The following SERINC5 variants were observed in gnomAD, a reference collection of about 807,000 sequenced individuals.
The protein encoded by SERINC5 is serine incorporator 5, also known as chromosome 5 open reading frame 12.
SERINC5 carries 41 observed loss-of-function variants against 63.1 expected under a neutral mutation model. That is an observed-to-expected ratio of 0.65 (90% CI 0.51 to 0.84). SERINC5 has a LOEUF of 0.84. Among genes scored for constraint, SERINC5 ranks in the 40% least tolerant of loss-of-function variants. The pLI is 0.00. For missense variants in SERINC5, 523 were observed against 573.0 expected, an observed-to-expected ratio of 0.91 and a Z score of 0.89; for synonymous variants, 222 against 215.2, an observed-to-expected ratio of 1.03 and a Z score of -0.28.
chr5:80,221,545 AG>A (rs1750906713), intron 1 of SERINC5, among the ~76,000 whole-genome samples: 1 of 152,214 alleles, frequency 6.6e-6, no homozygotes, highest in Non-Finnish European at 1.5e-5. Context: ...AATATTAACC[AG>A]GATTATGGGA....
rs145311092 is a variant in SERINC5, at chr5:80,142,036, C to T, written c.*1627G>A. On this transcript the variant is annotated 3_prime_UTR_variant, in exon 12 of 12. Coordinates refer to ENST00000507668, the MANE Select transcript of SERINC5 (RefSeq NM_001174072.3). ...ACACAGAAGCCCAGCTTAGGTGGCA[C>T]TCAATTCTGCCCAACTCATACAGTA... The T allele has an allele frequency of 1.2e-3, 1,201 of 985,390 alleles. 15 individuals are homozygous for T. In the African/African-American group the frequency reaches 0.019, roughly 15 times the overall value. 61.0% of individuals were successfully genotyped at this position (985,390 alleles called of 1,614,324 possible).
At chr5:80,229,052 G>GGGGGGGGT in intron 1 of SERINC5, among the ~76,000 whole-genome samples, 1 of 64,786 alleles carries the variant, frequency 1.5e-5, no homozygotes, top group Non-Finnish European at 2.8e-5. Flanking sequence ...TTTTTTTTTG[G>GGGGGGGGT]GGATGGAGTT....
chr5:80,183,400 TG>T lies in SERINC5; in HGVS notation c.196-5337del, dbSNP rs535850602. Among the ~76,000 whole-genome samples the T allele has an allele frequency of 9.9e-5, 15 of 152,242 alleles. No homozygotes were observed. In the South Asian group the frequency reaches 3.1e-3, roughly 32 times the overall value. ...AAGGGGTATCCCAGCGAGAACAGTC[TG>T]GTCTGGAAATTGCTTTAGAACAGCA... On this transcript the variant is annotated intron_variant, in intron 2 of 11. Transcript: ENST00000507668.
In SERINC5 at chr5:80,141,615, AC is replaced by A. The variant is rs922091076; in HGVS notation, c.*2047del. The A allele has an allele frequency of 7.1e-6, 7 of 985,204 alleles. No individual in the cohort carries two copies. The highest frequency in any genetic ancestry group is 1.8e-5 in the African/African-American group (1 of 57,134). 61.0% of individuals were successfully genotyped at this position (985,204 alleles called of 1,614,324 possible). ...CCCCTCAGGGTGTTTCCTAAAGACA[AC>A]CCCCAAGGCCCTAGGCCACTGCAAC... On this transcript the variant is annotated 3_prime_UTR_variant, in exon 12 of 12. Transcript: ENST00000507668.
At chr5:80,214,443 G>GT (rs1348457076) in intron 1 of SERINC5, among the ~76,000 whole-genome samples, 1 of 152,040 alleles carries the variant, frequency 6.6e-6, no homozygotes, top group East Asian at 1.9e-4. Context: ...CTCATAGGTG[G>GT]TAAGCCCTCA....
intron 6 of SERINC5, among the ~76,000 whole-genome samples, chr5:80,167,871 TCA>T (rs1747407698): frequency 6.6e-6 from 1 of 152,242 alleles, no homozygotes; most frequent in South Asian, 2.1e-4. Flanking sequence ...CAGTTTTTAC[TCA>T]GTCTTCCCTT....
At chr5:80,135,638 AGGACGAT>A (rs1293230470), downstream of SERINC5, among the ~76,000 whole-genome samples, 1 of 152,188 alleles carries the variant, frequency 6.6e-6, no homozygotes, top group African/African-American at 2.4e-5. Context: ...AAGTAAAGTA[AGGACGAT>A]GGACGTGGCA....
At chr5:80,182,000 C>T (rs1417869285) in intron 2 of SERINC5, among the ~76,000 whole-genome samples, 1 of 152,180 alleles carries the variant, frequency 6.6e-6, no homozygotes, top group Non-Finnish European at 1.5e-5. Flanking sequence ...TTGTTTGTTG[C>T]ACAATGTTTA....
chr5:80,146,595 G>A (rs979679953), intron 10 of SERINC5, among the ~76,000 whole-genome samples: 1 of 152,178 alleles, frequency 6.6e-6, no homozygotes, highest in African/African-American at 2.4e-5. Context: ...TGGGATTACA[G>A]GCACACGCCA....
intron 11 of SERINC5, among the ~76,000 whole-genome samples, chr5:80,123,516 CAGTTCCTTGTGCTG>C (rs1744626108): frequency 1.3e-5 from 2 of 152,166 alleles, no homozygotes; most frequent in South Asian, 4.1e-4. Flanking sequence ...TACATTTGCT[CAGTTCCTTGTGCTG>C]AGTTGTCTGT....
chr5:80,230,445 C>CAAAAAAAAAAAA (rs72476401), intron 1 of SERINC5, among the ~76,000 whole-genome samples: 15 of 93,172 alleles, frequency 1.6e-4, no homozygotes, highest in African/African-American at 5.6e-4. Context: ...AAGACTGTCA[C>CAAAAAAAAAAAA]AAAAAAAAAA....
At chr5:80,230,479 A>G (rs12520486) in intron 1 of SERINC5, among the ~76,000 whole-genome samples, 74,194 of 142,014 alleles carry the variant, frequency 0.52, 21,096 homozygotes, top group African/African-American at 0.73. Flanking sequence ...ATTGCTCTTC[A>G]AATTTGTTTG....
chr5:80,214,105 C>A (rs189839601), intron 1 of SERINC5, among the ~76,000 whole-genome samples: 1 of 152,120 alleles, frequency 6.6e-6, no homozygotes, highest in Non-Finnish European at 1.5e-5. Flanking sequence ...AATACACCCA[C>A]TGAAATGATT....
intron 2 of SERINC5, among the ~76,000 whole-genome samples, chr5:80,192,644 A>G (rs1459538722): frequency 1.3e-5 from 2 of 152,002 alleles, no homozygotes; most frequent in Non-Finnish European, 2.9e-5. Flanking sequence ...TAAACCCCAC[A>G]CTGATGAAAG....
intron 7 of SERINC5, among the ~76,000 whole-genome samples, chr5:80,160,964 G>GTA (rs111930431): frequency 0.29 from 43,178 of 148,436 alleles, 7,278 homozygotes; most frequent in African/African-American, 0.47. Context: ...ATATGTGTGT[G>GTA]TATATATATG....
intron 11 of SERINC5, among the ~76,000 whole-genome samples, chr5:80,118,547 T>C (rs1296187979): frequency 6.6e-6 from 1 of 151,936 alleles, no homozygotes; most frequent in Non-Finnish European, 1.5e-5. Context: ...CTAGTCTCTT[T>C]TTTTTCTTTC....
At chr5:80,227,052 C>T (rs949605858) in intron 1 of SERINC5, among the ~76,000 whole-genome samples, 6 of 151,996 alleles carry the variant, frequency 3.9e-5, no homozygotes, top group South Asian at 2.1e-4. Context: ...CCCCCCACCA[C>T]GCCCGGCTAA....
intron 2 of SERINC5, among the ~76,000 whole-genome samples, chr5:80,202,243 A>G (rs1749885124): frequency 6.6e-6 from 1 of 152,180 alleles, no homozygotes; most frequent in Admixed American, 6.5e-5. Context: ...TGTCTCGAAA[A>G]AAAAGAAGAA....
chr5:80,141,159 G>A lies in SERINC5; in HGVS notation c.*2504C>T, dbSNP rs1040607377. The A allele has an allele frequency of 1.0e-6, 1 of 985,254 alleles. No individual in the cohort carries two copies. The highest frequency in any genetic ancestry group is 1.7e-5 in the African/African-American group (1 of 57,234). The allele number at this position is 985,254 out of a possible 1,614,324, so 61.0% of individuals were successfully genotyped here. On this transcript the variant is annotated 3_prime_UTR_variant, in exon 12 of 12. Transcript: ENST00000507668. ...TCAATCCTCAGATACATCCACATCT[G>A]TTTTGTTCATCCAGATACACGTGCT...
Sources: allele counts gnomAD v4.1 joint callset (sites outside exome capture counted in the v4.1 genomes callset), GRCh38; gene constraint gnomAD v4.1.1; transcripts MANE v1.5; gene names NCBI Gene and HGNC (gene_info 2026-07-23, HGNC 2026-07-21).